DGKI: variants seen among roughly 807,000 people sequenced by gnomAD.
The protein encoded by DGKI is DAG kinase iota.
In DGKI, 55 loss-of-function variants were observed where a neutral mutation model predicts 147.5. The observed-to-expected ratio is 0.37, with a 90% CI of 0.30 to 0.47. The LOEUF (loss-of-function observed/expected upper bound fraction) is 0.47, where lower values mean the gene tolerates loss of function less well. Ranked by LOEUF, DGKI falls within the 20% of genes least tolerant of loss-of-function variation. The pLI, the probability that DGKI is intolerant of heterozygous loss-of-function variation, is 1.00. For synonymous variants in DGKI, 469 were observed against 477.1 expected (o/e 0.98, Z 0.22); for missense variants, 1,007 against 1,323.8 (o/e 0.76, Z 3.71).
At chr7:137,407,016 G>T (rs1811978047) in intron 30 of DGKI, among the ~76,000 whole-genome samples, 1 of 150,362 alleles carries the variant, frequency 6.7e-6, no homozygotes, top group South Asian at 2.1e-4. Flanking sequence ...GGTACAAAAG[G>T]AGTCAGCCAC....
intron 12 of DGKI, among the ~76,000 whole-genome samples, chr7:137,597,002 T>C (rs1819820880): frequency 6.6e-6 from 1 of 152,196 alleles, no homozygotes; most frequent in Non-Finnish European, 1.5e-5. Context: ...GATTCTCAAT[T>C]CTTTACTTTG....
rs945149421 is a variant in DGKI at position 137,387,287 on chromosome 7, A to T, written c.*3933T>A. The T allele has an allele frequency of 2.0e-5, 3 of 152,176 alleles. No individual in the cohort carries two copies. Among genetic ancestry groups the T allele is most frequent in the Non-Finnish European group, 4.4e-5 (3 of 68,018 alleles). 9.4% of individuals were successfully genotyped at this position (152,176 alleles called of 1,614,324 possible). On this transcript the variant is annotated 3_prime_UTR_variant, in exon 33 of 33. Transcript: ENST00000614521. ...TCATGCTTCATGGAAGGCAACATAAACAATTACAGGAACTCTTGGTCATGA... is the reference window on the plus strand; with the variant it reads ...TCATGCTTCATGGAAGGCAACATAATCAATTACAGGAACTCTTGGTCATGA...
chr7:137,616,749 A>G lies in DGKI; in HGVS notation c.993+3075T>C, dbSNP rs140961859. Among the ~76,000 whole-genome samples the G allele has an allele frequency of 8.3e-3, 1,270 of 152,272 alleles. 15 individuals are homozygous for G. The highest frequency in any genetic ancestry group is 0.029 in the African/African-American group (1,190 of 41,560). On this transcript the variant is annotated intron_variant, in intron 8 of 32. Transcript: ENST00000614521. ...GTAATTTCGTAATGATACTCTCCAA[A>G]AAAACAACCACTACTACATCCTATA... is the stretch of plus-strand genomic sequence containing the variant.
chr7:137,559,812 T>C (rs148666482), intron 19 of DGKI, among the ~76,000 whole-genome samples: 1 of 152,314 alleles, frequency 6.6e-6, no homozygotes, highest in African/African-American at 2.4e-5. Context: ...AAATCATTTG[T>C]ATGCTTTAAA....
chr7:137,845,124 C>A (rs1798671610), intron 1 of DGKI, among the ~76,000 whole-genome samples: 1 of 152,232 alleles, frequency 6.6e-6, no homozygotes, highest in Non-Finnish European at 1.5e-5. Flanking sequence ...AGGTGGGGAA[C>A]TCCCTCAGCG....
At chr7:137,494,317 G>A (rs138083079) in intron 21 of DGKI, among the ~76,000 whole-genome samples, 92 of 152,236 alleles carry the variant, frequency 6.0e-4, no homozygotes, top group African/African-American at 1.4e-3. Context: ...AGGAAATGAA[G>A]AGAAACCCTG....
rs781580130 is a variant in DGKI at position 137,846,161 on chromosome 7, T to TCTCTCTCTCTCTCTCTCTCACA, written c.401+300_401+301insTGTGAGAGAGAGAGAGAGAGAG. 1.8e-5 allele frequency among the ~76,000 whole-genome samples: 2 copies of TCTCTCTCTCTCTCTCTCTCACA among 108,180 alleles called. No homozygotes were observed. Among genetic ancestry groups the TCTCTCTCTCTCTCTCTCTCACA allele is most frequent in the Admixed American group, 1.1e-4 (1 of 9,282 alleles). The allele number at this position is 108,180 out of a possible 152,430, so 71.0% of individuals were successfully genotyped here. A position where few individuals can be genotyped will look rare whatever the true frequency, so the allele number is the denominator to read the frequency against. On this transcript the variant is annotated intron_variant, in intron 1 of 32. Coordinates refer to ENST00000614521, the MANE Select transcript of DGKI (RefSeq NM_001321708.2). This position sits in a 1 kb window ranked among gnomAD's most constrained non-coding sequence, Gnocchi z 4.0. ...CTCTCTCTCTCTCTCTCTCTCTCTCTCACACACACACACACACACACACAC... is the reference window on the plus strand; with the variant it reads ...CTCTCTCTCTCTCTCTCTCTCTCTCTCTCTCTCTCTCTCTCTCTCACACACACACACACACACACACACACAC...
chr7:137,645,645 C>T, intron 5 of DGKI, 108 bp from the exon 6 acceptor site: 1 of 968,344 alleles, frequency 1.0e-6, no homozygotes. Flanking sequence ...TAGTTCACTG[C>T]AGCCTCGAAC....
intron 1 of DGKI, among the ~76,000 whole-genome samples, chr7:137,800,993 T>C (rs1235958500): frequency 6.6e-6 from 1 of 152,220 alleles, no homozygotes; most frequent in African/African-American, 2.4e-5. Context: ...ACAATATTCA[T>C]CCCAAAATGA....
chr7:137,824,110 C>A (rs1231409289), intron 1 of DGKI, among the ~76,000 whole-genome samples: 1 of 152,102 alleles, frequency 6.6e-6, no homozygotes, highest in Non-Finnish European at 1.5e-5. Flanking sequence ...AATTACCAAA[C>A]AGCACTTAGT....
chr7:137,781,908 C>T (rs991791276), intron 1 of DGKI, among the ~76,000 whole-genome samples: 3 of 152,166 alleles, frequency 2.0e-5, no homozygotes, highest in Non-Finnish European at 4.4e-5. Context: ...AGCAGTGATT[C>T]CTCAATCTGT....
chr7:137,382,651 G>C lies in DGKI; in HGVS notation c.*8569C>G, dbSNP rs995071750. The C allele has an allele frequency of 2.0e-5, 3 of 152,038 alleles. No individual in the cohort carries two copies. The highest frequency in any genetic ancestry group is 2.9e-5 in the Non-Finnish European group (2 of 67,964). The allele number at this position is 152,038 out of a possible 1,614,324, so 9.4% of individuals were successfully genotyped here. ...ACTATCAGTTGTTTGAGATTACCAT[G>C]AGAATTTGTGTTACTACTAGGGTCT... is the stretch of plus-strand genomic sequence containing the variant. On this transcript the variant is annotated 3_prime_UTR_variant, in exon 33 of 33. Transcript: ENST00000614521.
intron 32 of DGKI, among the ~76,000 whole-genome samples, chr7:137,391,867 G>T (rs1811378011): frequency 6.6e-6 from 1 of 152,098 alleles, no homozygotes; most frequent in African/African-American, 2.4e-5. Context: ...TCAGACTTGG[G>T]CTATTTCATC....
At chr7:137,704,831 A>C (rs1441521845) in intron 1 of DGKI, among the ~76,000 whole-genome samples, 1 of 152,200 alleles carries the variant, frequency 6.6e-6, no homozygotes, top group Non-Finnish European at 1.5e-5. Flanking sequence ...TCTTCAGAAA[A>C]TATGGAGACC....
chr7:137,505,337 G>A (rs1261450688), intron 21 of DGKI, among the ~76,000 whole-genome samples: 11 of 152,086 alleles, frequency 7.2e-5, no homozygotes, highest in South Asian at 2.1e-4. Flanking sequence ...CTCAACCTTT[G>A]TCTCAGCAAG....
Position 137,569,675 on chromosome 7 carries a change from G to C in DGKI, c.1947+1500C>G, listed in dbSNP as rs534385233. Among the ~76,000 whole-genome samples the C allele has an allele frequency of 4.0e-5, 5 of 126,150 alleles. No homozygotes were observed. The East Asian group carries it at 1.3e-3, about 32-fold the overall frequency. 82.8% of individuals were successfully genotyped at this position (126,150 alleles called of 152,430 possible). Reference sequence around the variant, plus strand: ...ACCCAGGAGGTAGAGCTTGCAGTGAGCCGAAATTGCTCCACTGCACTCCAG... The same window carrying C: ...ACCCAGGAGGTAGAGCTTGCAGTGACCCGAAATTGCTCCACTGCACTCCAG... On this transcript the variant is annotated intron_variant, in intron 19 of 32. Transcript: ENST00000614521.
In DGKI at chr7:137,677,245, C is replaced by T. The variant is rs181942159; in HGVS notation, c.606+1312G>A. Among the ~76,000 whole-genome samples, 316 of 152,288 alleles carry T rather than the reference C, an allele frequency of 2.1e-3. 1 individual carries two copies. Among genetic ancestry groups the T allele is most frequent in the Non-Finnish European group, 3.4e-3 (228 of 68,032 alleles). On this transcript the variant is annotated intron_variant, in intron 3 of 32. Transcript: ENST00000614521. ...TAGAAGAGAAGCAAATGATTAATTA[C>T]AGGTCTAGAAACAAAAATAAATTAA...
intron 5 of DGKI, among the ~76,000 whole-genome samples, chr7:137,652,179 A>G (rs943597180): frequency 6.6e-6 from 1 of 152,178 alleles, no homozygotes; most frequent in Non-Finnish European, 1.5e-5. Context: ...GAAATTATCT[A>G]GAAATGAGGG....
At chr7:137,645,441 C>T in intron 6 of DGKI, 31 bp downstream of exon 6, 1 of 1,606,532 alleles carries the variant, frequency 6.2e-7, no homozygotes, top group South Asian at 1.1e-5. Flanking sequence ...GGGGAGCCTC[C>T]TGCGAGGCCA....
Sources: allele counts gnomAD v4.1 joint callset (sites outside exome capture counted in the v4.1 genomes callset), GRCh38; gene constraint gnomAD v4.1.1; non-coding constraint Gnocchi (gnomAD v3.1); transcripts MANE v1.5; gene names NCBI Gene and HGNC (gene_info 2026-07-23, HGNC 2026-07-21).